TRIM66: variants seen among roughly 807,000 people sequenced by gnomAD.
The protein encoded by TRIM66 is tripartite motif-containing protein 66.
Under a neutral mutation model 148.2 loss-of-function variants are expected in TRIM66, and 99 were observed. That is an observed-to-expected ratio of 0.67 (90% CI 0.57 to 0.79). The LOEUF (loss-of-function observed/expected upper bound fraction) is 0.79. Ranked by LOEUF, TRIM66 falls within the 30% of genes least tolerant of loss-of-function variation. The pLI, the probability that TRIM66 is intolerant of heterozygous loss-of-function variation, is 0.00. For missense variants in TRIM66, 1,666 were observed against 1,697.9 expected (o/e 0.98, Z 0.33); for synonymous variants, 616 against 635.9 (o/e 0.97, Z 0.47).
chr11:8,678,758 T>C (rs2133567864), intron 3 of TRIM66, among the ~76,000 whole-genome samples: 1 of 152,296 alleles, frequency 6.6e-6, no homozygotes, highest in Admixed American at 6.5e-5. Context: ...AAAACAGAGC[T>C]GGATTCATTC....
chr11:8,622,982 C>T (rs2034448956), intron 17 of TRIM66, 106 bp from the exon 18 acceptor site: 3 of 974,320 alleles, frequency 3.1e-6, no homozygotes, highest in Non-Finnish European at 3.2e-6. Flanking sequence ...GGCCACACAT[C>T]TGTCATACAG....
At chr11:8,659,397 T>G (rs543802877) in intron 6 of TRIM66, among the ~76,000 whole-genome samples, 2 of 152,172 alleles carry the variant, frequency 1.3e-5, no homozygotes, top group Admixed American at 1.3e-4. Context: ...GAAGACTCAT[T>G]TCAAAGAGAA....
At chr11:8,648,197 T>G in intron 9 of TRIM66, 111 bp from the exon 10 acceptor site, 1 of 1,188,748 alleles carries the variant, frequency 8.4e-7, no homozygotes, top group South Asian at 1.4e-5. Context: ...ATGGAAGCTG[T>G]GATGACTTCT....
At position 8,625,218 on chromosome 11, in the gene TRIM66, G is replaced by A. The variant is rs769031695; in HGVS notation, c.2321C>T (p.Ser774Leu). 8.0e-6 allele frequency: 12 copies of A among 1,499,932 alleles called. No individual in the cohort carries two copies. Among genetic ancestry groups the A allele is most frequent in the South Asian group, 4.0e-5 (3 of 74,704 alleles). The allele number at this position is 1,499,932 out of a possible 1,614,324, so 92.9% of individuals were successfully genotyped here. ...GTTGGAAAAGCCCATGATGCTCAGC[G>A]AGGTGGAGTGCTGCAGGAACAGAGA... ...SPNVVRKHSTSLSIMGFSNTL... is the reference protein window; with the variant it reads ...SPNVVRKHSTLLSIMGFSNTL... The change falls in exon 16 of 25, where the codon TCG becomes TTG. Residue 774 changes from serine (S) to leucine (L), a missense_variant. By Grantham distance (145) the Ser-to-Leu change is moderately radical (BLOSUM62 -2). This residue lies in a region of TRIM66 where 1,431 missense variants were observed against 1,412.4 expected (regional missense o/e 1.01). Coordinates refer to ENST00000646038, the MANE Select transcript of TRIM66 (RefSeq NM_001388022.1).
chr11:8,666,074 C>G (rs1207891527), intron 6 of TRIM66, among the ~76,000 whole-genome samples: 1 of 151,828 alleles, frequency 6.6e-6, no homozygotes, highest in Non-Finnish European at 1.5e-5. Context: ...CAGTGGCTCA[C>G]TCCTGTAATT....
chr11:8,648,325 A>G, intron 9 of TRIM66, 91 bp downstream of exon 9: 1 of 1,500,052 alleles, frequency 6.7e-7, no homozygotes, highest in Non-Finnish European at 8.9e-7. Flanking sequence ...GGGCAGGGAG[A>G]AGATTCTGAT....
At chr11:8,637,770 G>A (rs1159813445) in intron 15 of TRIM66, among the ~76,000 whole-genome samples, 4 of 152,124 alleles carry the variant, frequency 2.6e-5, no homozygotes, top group Non-Finnish European at 5.9e-5. Context: ...TCCAGGGCTG[G>A]GTGGAGGCAC....
At chr11:8,682,683 T>A, upstream of TRIM66, 1 of 1,054,090 alleles carries the variant, frequency 9.5e-7, no homozygotes, top group Non-Finnish European at 1.5e-6. Flanking sequence ...AGGCGCGCAA[T>A]CCCGCGAGAC....
chr11:8,641,016 G>C lies in TRIM66; in HGVS notation c.1359C>G (p.His453Gln), dbSNP rs1592100704. ...AGCACACTGCTGGAGACTGGAACTT[G>C]TGTGAGGGGTGGCTAAGAGCCTCTT... ...AQQEALSHPSHKFQSPAVCSS... is the reference protein window; with the variant it reads ...AQQEALSHPSQKFQSPAVCSS... Residue 453 changes from histidine to glutamine, a missense_variant, in exon 14 of 25, where the codon CAC becomes CAG. Transcript: ENST00000646038. 6.4e-7 allele frequency: 1 copy of C among 1,551,520 alleles called. No homozygotes were observed. The highest frequency in any genetic ancestry group is 2.0e-5 in the Admixed American group (1 of 50,990).
upstream of TRIM66, chr11:8,682,870 G>GTA: frequency 2.0e-5 from 32 of 1,577,950 alleles, no homozygotes; most frequent in Non-Finnish European, 2.7e-5. Context: ...CCCCTAAGCT[G>GTA]TATTCCCATT....
chr11:8,670,089 T>G (rs2038848860), intron 6 of TRIM66, among the ~76,000 whole-genome samples: 1 of 150,962 alleles, frequency 6.6e-6, no homozygotes. Context: ...CTTGGCTCAC[T>G]GCAACTTCCA....
At chr11:8,624,320 T>C (rs1228619631) in intron 17 of TRIM66, 39 bp downstream of exon 17, 25 of 1,543,748 alleles carry the variant, frequency 1.6e-5, no homozygotes, top group Non-Finnish European at 2.2e-5. Context: ...TCTGCTCAAG[T>C]CTGTGGCCAA....
Position 8,621,073 on chromosome 11 carries a change from G to A in TRIM66, c.3504C>T (p.Phe1168=), listed in dbSNP as rs753993943. 3 of 1,551,590 alleles carry A rather than the reference G, an allele frequency of 1.9e-6. No individual in the cohort carries two copies. In the East Asian group the frequency reaches 7.3e-5, roughly 38 times the overall value. The change falls in exon 20 of 25, where the codon TTC becomes TTT. Residue 1168 remains phenylalanine (F), a synonymous_variant. Coordinates refer to ENST00000646038, the MANE Select transcript of TRIM66 (RefSeq NM_001388022.1). The stretch of plus-strand genomic sequence containing the variant: ...AGGCTGGCACATGGCAGGAGAGGTG[G>A]AACACTTTGGGGCAGCGGTCACAGC... ...LLCCDRCPKV[F]HLSCHVPALL... is the part of the protein sequence containing the mutation.
chr11:8,682,780 G>T (rs369773551), upstream of TRIM66: 1 of 1,613,564 alleles, frequency 6.2e-7, no homozygotes, highest in Non-Finnish European at 8.5e-7. Flanking sequence ...GCGAGACTTG[G>T]CGAAGGCCTT....
chr11:8,619,309 T>TA, intron 23 of TRIM66, 74 bp downstream of exon 23: 2 of 1,413,474 alleles, frequency 1.4e-6, no homozygotes, highest in Non-Finnish European at 1.9e-6. Context: ...AAACCTAACC[T>TA]CCCAACCCTA....
At chr11:8,657,387 A>G (rs2037919154) in intron 6 of TRIM66, among the ~76,000 whole-genome samples, 1 of 152,112 alleles carries the variant, frequency 6.6e-6, no homozygotes, top group South Asian at 2.1e-4. Context: ...GCTAGTTCCA[A>G]CCCGTAGACC....
rs916208370 is a variant in TRIM66 at position 8,615,719 on chromosome 11, C to A, written c.*2225G>T. The A allele has an allele frequency of 2.0e-5, 3 of 152,138 alleles. No homozygotes were observed. The highest frequency in any genetic ancestry group is 7.2e-5 in the African/African-American group (3 of 41,422). The allele number at this position is 152,138 out of a possible 1,614,324, so 9.4% of individuals were successfully genotyped here. A position where few individuals can be genotyped will look rare whatever the true frequency, so the allele number is the denominator to read the frequency against. On this transcript the variant is annotated 3_prime_UTR_variant, in exon 25 of 25. Coordinates refer to ENST00000646038, the MANE Select transcript of TRIM66 (RefSeq NM_001388022.1). ...GTGTCTCTCTAGCACATTACTAAGA[C>A]CCCCTCTGGCCCAGCAAGCTGATCC... is the stretch of plus-strand genomic sequence containing the variant.
At chr11:8,649,665 G>A in intron 8 of TRIM66, 75 bp downstream of exon 8, 1 of 1,497,732 alleles carries the variant, frequency 6.7e-7, no homozygotes, top group Non-Finnish European at 9.0e-7. Context: ...AGATCGGAGA[G>A]CTATTCTCCA....
At chr11:8,620,393 C>T in intron 21 of TRIM66, 53 bp downstream of exon 21, 1 of 1,547,676 alleles carries the variant, frequency 6.5e-7, no homozygotes, top group Non-Finnish European at 8.7e-7. Context: ...ACCCTGTAGG[C>T]AGAAGGGGGC....
Sources: allele counts gnomAD v4.1 joint callset (sites outside exome capture counted in the v4.1 genomes callset), GRCh38; gene constraint gnomAD v4.1.1; regional missense constraint gnomAD v4.1.1; transcripts MANE v1.5; gene names NCBI Gene and HGNC (gene_info 2026-07-23, HGNC 2026-07-21).